SGCD: variants seen among roughly 807,000 people sequenced by gnomAD.
SGCD encodes delta-sarcoglycan.
A neutral mutation model predicts 36.6 loss-of-function variants in SGCD; 18 were observed. That is an observed-to-expected ratio of 0.49 (90% CI 0.34 to 0.73). The LOEUF (loss-of-function observed/expected upper bound fraction) is 0.73. Ranked by LOEUF, SGCD falls within the 30% of genes least tolerant of loss-of-function variation. The pLI is 0.01. For synonymous variants in SGCD, 133 were observed against 130.6 expected (o/e 1.02, Z -0.12); for missense variants, 387 against 346.7 (o/e 1.12, Z -0.92).
intron 3 of SGCD, among the ~76,000 whole-genome samples, chr5:156,314,572 C>T (rs939393568): frequency 6.6e-5 from 10 of 151,986 alleles, no homozygotes; most frequent in African/African-American, 9.7e-5. Context: ...GTATGCTAGG[C>T]GTTGGTGAAC....
chr5:156,204,449 TAAC>T, intron 3 of SGCD, among the ~76,000 whole-genome samples: 1 of 148,718 alleles, frequency 6.7e-6, no homozygotes, highest in East Asian at 2.0e-4. Flanking sequence ...TGTCACAGTT[TAAC>T]TAGTTTAGCC....
the SGCD span, among the ~76,000 whole-genome samples, chr5:155,842,576 G>GAA: frequency 7.0e-6 from 1 of 143,860 alleles, no homozygotes; most frequent in African/African-American, 2.5e-5. Context: ...CATCTCAACG[G>GAA]AAAAAAAAAA....
At chr5:155,907,842 G>A (rs1261613775) in intron 1 of SGCD, among the ~76,000 whole-genome samples, 1 of 152,132 alleles carries the variant, frequency 6.6e-6, no homozygotes, top group African/African-American at 2.4e-5. Flanking sequence ...GGTTTGAGAG[G>A]ATTGACTTCA....
At chr5:155,897,645 CT>C (rs1206325468) in intron 1 of SGCD, among the ~76,000 whole-genome samples, 2 of 151,832 alleles carry the variant, frequency 1.3e-5, no homozygotes, top group East Asian at 3.9e-4. Context: ...ATTTCATAAA[CT>C]TTTTTCCTAT....
intron 3 of SGCD, among the ~76,000 whole-genome samples, chr5:156,173,592 A>T (rs954796628): frequency 6.6e-6 from 1 of 152,190 alleles, no homozygotes; most frequent in Non-Finnish European, 1.5e-5. Context: ...TTGTTTCAAT[A>T]CATAAGTTAT....
At chr5:156,239,088 G>A (rs528979633) in intron 3 of SGCD, among the ~76,000 whole-genome samples, 2 of 152,148 alleles carry the variant, frequency 1.3e-5, no homozygotes, top group Non-Finnish European at 2.9e-5. Context: ...TGGCGCATCA[G>A]TAATTTGGGA....
chr5:156,074,622 G>T (rs1303154767), intron 1 of SGCD, among the ~76,000 whole-genome samples: 1 of 152,124 alleles, frequency 6.6e-6, no homozygotes, highest in African/African-American at 2.4e-5. Flanking sequence ...AGAGGTTGCA[G>T]TGAGCCAAGA....
intron 1 of SGCD, among the ~76,000 whole-genome samples, chr5:155,919,514 G>T (rs545038360): frequency 2.0e-5 from 3 of 152,110 alleles, no homozygotes; most frequent in South Asian, 4.2e-4. Context: ...CGGGTAAACT[G>T]CTTCATTGCA....
At chr5:156,544,407 T>C (rs1373937148) in intron 4 of SGCD, among the ~76,000 whole-genome samples, 1 of 152,046 alleles carries the variant, frequency 6.6e-6, no homozygotes, top group East Asian at 1.9e-4. Context: ...AGTCAGAAAA[T>C]CTGAAATGTG....
chr5:155,814,954 G>T, the SGCD span, among the ~76,000 whole-genome samples: 1 of 152,118 alleles, frequency 6.6e-6, no homozygotes, highest in South Asian at 2.1e-4. Flanking sequence ...TTCTATGTTT[G>T]ATCAGTTTAT....
In SGCD at chr5:156,589,295, A is replaced by C. The variant is rs1385323214; in HGVS notation, c.359A>C (p.Lys120Thr). 1.9e-6 allele frequency: 3 copies of C among 1,571,888 alleles called. No individual in the cohort carries two copies. The highest frequency in any genetic ancestry group is 4.6e-5 in the East Asian group (2 of 43,568). Residue 120 changes from lysine (K) to threonine (T), a missense_variant, in exon 5 of 9, where the codon AAA (lysine) becomes ACA (threonine). Transcript: ENST00000337851. ...GTGAACATTCTCAATGACCAGACTA[A>C]AGTGCTAACTCAGCTTATAACAGGT... ...VTVNILNDQT[K>T]VLTQLITGPK...
chr5:155,808,035 A>C, the SGCD span, among the ~76,000 whole-genome samples: 2 of 152,358 alleles, frequency 1.3e-5, no homozygotes, highest in African/African-American at 4.8e-5. Flanking sequence ...TATAAAAAAT[A>C]AGCCTTGGAT....
the SGCD span, among the ~76,000 whole-genome samples, chr5:155,759,480 C>G: frequency 6.6e-6 from 1 of 151,986 alleles, no homozygotes; most frequent in South Asian, 2.1e-4. Context: ...TTGTTTAAGA[C>G]TTTTTTGAAA....
Position 155,877,983 on chromosome 5 carries a change from T to C in SGCD, c.-282+7559T>C, listed in dbSNP as rs570912945. Among the ~76,000 whole-genome samples, 122 of 152,164 alleles carry C rather than the reference T, an allele frequency of 8.0e-4. 1 individual carries two copies. In the South Asian group the frequency reaches 0.024, roughly 30 times the overall value. Reference sequence around the variant, plus strand: ...TTTTTGTTTAGCAGTTAAAGTAAAATTGCTGAAAGAACTGTATCTCCTATG... The same window carrying C: ...TTTTTGTTTAGCAGTTAAAGTAAAACTGCTGAAAGAACTGTATCTCCTATG... On this transcript the variant is annotated intron_variant, in intron 1 of 9. Transcript: ENST00000517913.
chr5:156,407,031 GC>G (rs1011840225), intron 3 of SGCD, among the ~76,000 whole-genome samples: 2 of 151,686 alleles, frequency 1.3e-5, no homozygotes, highest in Admixed American at 1.3e-4. Flanking sequence ...GGGAGGCTAG[GC>G]CAGTCTTGCT....
At chr5:155,924,792 G>A (rs1160743164) in intron 1 of SGCD, among the ~76,000 whole-genome samples, 1 of 152,134 alleles carries the variant, frequency 6.6e-6, no homozygotes, top group Non-Finnish European at 1.5e-5. Flanking sequence ...ACATAAATCA[G>A]TTGTACAGGT....
At chr5:156,581,880 G>A (rs1017880451) in intron 4 of SGCD, among the ~76,000 whole-genome samples, 1 of 152,136 alleles carries the variant, frequency 6.6e-6, no homozygotes, top group African/African-American at 2.4e-5. Context: ...GTGCTTCCCT[G>A]GTGAGGCGAT....
the SGCD span, among the ~76,000 whole-genome samples, chr5:155,774,971 T>C: frequency 6.6e-6 from 1 of 152,116 alleles, no homozygotes; most frequent in Non-Finnish European, 1.5e-5. Flanking sequence ...GTAGTTGAAG[T>C]TTTGTGTACT....
At chr5:156,644,346 GTAAT>G (rs1433249896) in intron 6 of SGCD, among the ~76,000 whole-genome samples, 1 of 152,036 alleles carries the variant, frequency 6.6e-6, no homozygotes, top group Non-Finnish European at 1.5e-5. Context: ...ATAGTTTTAG[GTAAT>G]TAGTCATTTT....
Sources: gnomAD v4.1 joint callset for allele counts (sites outside exome capture counted in the v4.1 genomes callset) on GRCh38, gnomAD v4.1.1 for gene constraint, MANE v1.5 for transcripts, NCBI Gene and HGNC (gene_info 2026-07-23, HGNC 2026-07-21) for gene names.